Variants in DRP2 observed in about 807,000 individuals in gnomAD.
The protein encoded by DRP2 is dystrophin-related protein 2.
In DRP2, 29 loss-of-function variants were observed where a neutral mutation model predicts 78.2. That is an observed-to-expected ratio of 0.37 (90% confidence interval 0.28 to 0.51). DRP2 has a LOEUF of 0.51. DRP2 is among the 20% of genes least tolerant of loss of function. The pLI, the probability that DRP2 is intolerant of heterozygous loss-of-function variation, is 0.94. For missense variants in DRP2, 686 were observed against 770.6 expected, an observed-to-expected ratio of 0.89 and a Z score of 1.30; for synonymous variants, 290 against 281.9, an observed-to-expected ratio of 1.03 and a Z score of -0.29.
rs1163124553 is a variant in DRP2, at chrX:101,263,256, G to A, written c.*2635G>A. The stretch of plus-strand genomic sequence containing the variant: ...AACTTGGGGTTGGATTTACCAAAAT[G>A]TGTTGTATGTTGTTAGACATCTTGT... On this transcript the variant is annotated 3_prime_UTR_variant, in exon 24 of 24. Coordinates refer to ENST00000395209, the MANE Select transcript of DRP2 (RefSeq NM_001939.3). 2.7e-5 allele frequency: 3 copies of A among 112,160 alleles called. No individual in the cohort carries two copies. Among genetic ancestry groups the A allele is most frequent in the Non-Finnish European group, 5.6e-5 (3 of 53,201 alleles). The allele number at this position is 112,160 out of a possible 1,213,427, so 9.2% of individuals were successfully genotyped here.
At position 101,250,537 on chromosome X, in the gene DRP2, G is replaced by C; in HGVS notation, c.1655G>C (p.Gly552Ala). 1.6e-5 allele frequency: 19 copies of C among 1,209,242 alleles called. No individual in the cohort carries two copies. The highest frequency in any genetic ancestry group is 2.1e-5 in the Non-Finnish European group (19 of 894,141). Residue 552 changes from glycine (G) to alanine (A), a missense_variant, in exon 15 of 24, where the codon GGG becomes GCG. Around this residue, in one of 2 missense-constraint regions of DRP2, gnomAD observed 423 missense variants for 531.5 expected, o/e 0.80. Coordinates refer to ENST00000395209, the MANE Select transcript of DRP2 (RefSeq NM_001939.3). ...PRQLGEVAAF[G>A]GSNVEPSVRS... ...CAGCTGGGTGAAGTGGCAGCCTTTG[G>C]GGGCAGCAATGTGGAGCCCAGTGTC...
intron 7 of DRP2, 142 bp downstream of exon 7, chrX:101,242,078 G>T: frequency 2.5e-6 from 2 of 810,545 alleles, no homozygotes; most frequent in Non-Finnish European, 1.7e-6. Flanking sequence ...CTAGATTTGG[G>T]GCTGGTTTGG....
At chrX:101,237,827 A>G in intron 5 of DRP2, 52 bp downstream of exon 5, 3 of 1,046,569 alleles carry the variant, frequency 2.9e-6, no homozygotes, top group Non-Finnish European at 3.7e-6. Context: ...CTGGGGAGGA[A>G]TCCCTTCTTC....
At position 101,252,547 on chromosome X, in the gene DRP2, G is replaced by A. The variant is rs772959436; in HGVS notation, c.1866-58G>A. ...TATATTTTAATGTTAGGGGAACAGC[G>A]GGGAGGTCACTGTGGCACGTTGGAC... On this transcript the variant is annotated intron_variant, in intron 16 of 23. Coordinates refer to ENST00000395209, the MANE Select transcript of DRP2 (RefSeq NM_001939.3). 22 of 940,381 alleles carry A rather than the reference G, an allele frequency of 2.3e-5. 1 individual carries two copies. In the East Asian group the frequency reaches 2.5e-4, roughly 11 times the overall value. 77.5% of individuals were successfully genotyped at this position (940,381 alleles called of 1,213,427 possible). A position where few individuals can be genotyped will look rare whatever the true frequency, so the allele number is the denominator to read the frequency against.
rs4827893 is a variant in DRP2 at position 101,250,892 on chromosome X, C to G, written c.1699-25C>G. On this transcript the variant is annotated intron_variant, in intron 15 of 23. Transcript: ENST00000395209. The stretch of plus-strand genomic sequence containing the variant: ...TAAGACACTTTGGGCCTCAGTCATT[C>G]CCATTGGTCTTCTTGTTTCCGTAGA... 0.19 allele frequency: 233,391 copies of G among 1,203,062 alleles called. 16,320 individuals carry two copies. Among genetic ancestry groups the G allele is most frequent in the Middle Eastern group, 0.22 (939 of 4,273 alleles).
At chrX:101,253,925 A>G (rs940978322) in intron 17 of DRP2, among the ~76,000 whole-genome samples, 2 of 111,301 alleles carry the variant, frequency 1.8e-5, no homozygotes, top group African/African-American at 6.5e-5. Flanking sequence ...TAGAAAAGCT[A>G]TTTTAAAAAT....
chrX:101,240,085 C>A (rs1168111219), intron 6 of DRP2, among the ~76,000 whole-genome samples: 3 of 112,253 alleles, frequency 2.7e-5, no homozygotes, highest in Non-Finnish European at 5.6e-5. Context: ...CTAAAATAAT[C>A]ATAATTTAAA....
At chrX:101,221,095 G>C (rs929434408) in intron 1 of DRP2, among the ~76,000 whole-genome samples, 2 of 112,041 alleles carry the variant, frequency 1.8e-5, no homozygotes, top group Non-Finnish European at 3.8e-5. Context: ...AGGCTGGGCT[G>C]GGGTGGGGTG....
chrX:101,249,538 A>G (rs967243687), intron 14 of DRP2, among the ~76,000 whole-genome samples: 6 of 111,440 alleles, frequency 5.4e-5, no homozygotes, highest in African/African-American at 2.0e-4. Flanking sequence ...TGGGAGGATC[A>G]CTTGAGCCCA....
In DRP2 at chrX:101,245,834, A is replaced by G. The variant is rs921635015; in HGVS notation, c.1177+385A>G. On this transcript the variant is annotated intron_variant, in intron 11 of 23. Transcript: ENST00000395209. Reference sequence around the variant, plus strand: ...AGATGGATAAGTCCTAGAGAGATCTACGGTGCAGCATATTACCTATAGTGA... The same window carrying G: ...AGATGGATAAGTCCTAGAGAGATCTGCGGTGCAGCATATTACCTATAGTGA... 3.1e-4 allele frequency among the ~76,000 whole-genome samples: 35 copies of G among 111,997 alleles called. No homozygotes were observed. In the East Asian group the frequency reaches 9.6e-3, roughly 31 times the overall value.
chrX:101,259,449 G>A (rs892409165), intron 22 of DRP2, among the ~76,000 whole-genome samples: 13 of 111,042 alleles, frequency 1.2e-4, no homozygotes, highest in Admixed American at 1.9e-4. Context: ...TAGCTGAAAT[G>A]ACAGCAAGAG....
At chrX:101,228,677 G>A (rs1301064976) in intron 2 of DRP2, among the ~76,000 whole-genome samples, 1 of 111,610 alleles carries the variant, frequency 9.0e-6, no homozygotes, top group Non-Finnish European at 1.9e-5. Context: ...GCGAGGCTGA[G>A]GCAGGCTGAT....
rs1921827833 is a variant in DRP2 at position 101,219,832 on chromosome X, C to T, written c.-481C>T. 9.1e-6 allele frequency: 1 copy of T among 110,102 alleles called. No homozygotes were observed. The highest frequency in any genetic ancestry group is 1.9e-5 in the Non-Finnish European group (1 of 52,785). 9.1% of individuals were successfully genotyped at this position (110,102 alleles called of 1,213,427 possible). A position where few individuals can be genotyped will look rare whatever the true frequency, so the allele number is the denominator to read the frequency against. The stretch of plus-strand genomic sequence containing the variant: ...ATGAATTGACATCTCCAAGAGCCGC[C>T]ACATCTCTGGTAGTTTTACAAAACT... On this transcript the variant is annotated 5_prime_UTR_variant, in exon 1 of 24. Coordinates refer to ENST00000395209, the MANE Select transcript of DRP2 (RefSeq NM_001939.3).
chrX:101,227,096 C>T (rs1922146794), intron 2 of DRP2, among the ~76,000 whole-genome samples: 1 of 110,746 alleles, frequency 9.0e-6, no homozygotes, highest in Admixed American at 9.6e-5. Flanking sequence ...ATTCTCCTCC[C>T]GTGATAACTT....
At position 101,264,411 on chromosome X, in the gene DRP2, T is replaced by A. The variant is rs890866310; in HGVS notation, c.*3790T>A. On this transcript the variant is annotated 3_prime_UTR_variant, in exon 24 of 24. Transcript: ENST00000395209. The stretch of plus-strand genomic sequence containing the variant: ...ACAAAGGGACAGGGTTGGGAACAAA[T>A]TGGTTAACTTTGATTGCCACTCACT... The A allele has an allele frequency of 2.7e-5, 3 of 111,787 alleles. No homozygotes were observed. The highest frequency in any genetic ancestry group is 9.8e-5 in the African/African-American group (3 of 30,728). The allele number at this position is 111,787 out of a possible 1,213,427, so 9.2% of individuals were successfully genotyped here.
At position 101,248,509 on chromosome X, in the gene DRP2, C is replaced by T. The variant is rs1373797109; in HGVS notation, c.1455-5C>T. The T allele has an allele frequency of 8.3e-6, 10 of 1,209,816 alleles. No homozygotes were observed. The highest frequency in any genetic ancestry group is 8.9e-6 in the Non-Finnish European group (8 of 893,946). ...ATATTCTCAGTCTCTTCTTTTTAAA[C>T]CTAGTGGTCGCAGCGGAAAGATGCG... On this transcript the variant is annotated splice_polypyrimidine_tract_variant and splice_region_variant and intron_variant, in intron 13 of 23. Transcript: ENST00000395209.
chrX:101,258,411 C>T lies in DRP2; in HGVS notation c.2493C>T (p.Arg831=). 1.7e-6 allele frequency: 2 copies of T among 1,207,137 alleles called. No individual in the cohort carries two copies. The highest frequency in any genetic ancestry group is 2.2e-6 in the Non-Finnish European group (2 of 893,250). ...DGSTEAATDH[R]NEELLAEARI... ...CCACTGAGGCAGCAACAGACCACCG[C>T]AATGAGGAGCTTCTGGCCGAGGCCC... is the stretch of plus-strand genomic sequence containing the variant. The change falls in exon 22 of 24, where the codon CGC becomes CGT. Residue 831 remains arginine (R), a synonymous_variant. Transcript: ENST00000395209.
chrX:101,247,998 T>C, intron 12 of DRP2, 91 bp from the exon 13 acceptor site: 2 of 811,685 alleles, frequency 2.5e-6, no homozygotes, highest in Non-Finnish European at 3.6e-6. Flanking sequence ...TGAGTCAAAT[T>C]TGGTGATGCT....
intron 9 of DRP2, among the ~76,000 whole-genome samples, chrX:101,243,960 T>C (rs887255299): frequency 9.0e-6 from 1 of 111,537 alleles, no homozygotes; most frequent in Non-Finnish European, 1.9e-5. Context: ...GAACAGCATA[T>C]TCCATACCTT....
Sources: gnomAD v4.1 joint callset for allele counts (sites outside exome capture counted in the v4.1 genomes callset) on GRCh38, gnomAD v4.1.1 for gene constraint, gnomAD v4.1.1 regional missense constraint, MANE v1.5 for transcripts, NCBI Gene and HGNC (gene_info 2026-07-23, HGNC 2026-07-21) for gene names.